Variants in TMEM132C observed in about 807,000 individuals in gnomAD.
The protein encoded by TMEM132C is protein phosphatase 1, regulatory subunit 152.
In TMEM132C, 29 loss-of-function variants were observed where a neutral mutation model predicts 61.4. That is an observed-to-expected ratio of 0.47 (90% confidence interval 0.35 to 0.64). The LOEUF is 0.64. Ranked by LOEUF, TMEM132C falls within the 30% of genes least tolerant of loss-of-function variation. The pLI, the probability that TMEM132C is intolerant of heterozygous loss-of-function variation, is 0.00. For synonymous variants in TMEM132C, 656 were observed against 633.1 expected (o/e 1.04, Z -0.54); for missense variants, 1,408 against 1,476.9 (o/e 0.95, Z 0.76).
intron 3 of TMEM132C, among the ~76,000 whole-genome samples, chr12:128,578,163 A>G (rs1397488684): frequency 6.6e-6 from 1 of 152,230 alleles, no homozygotes; most frequent in Non-Finnish European, 1.5e-5. Context: ...ACGCCAGTGG[A>G]GCTGAGTGAG....
chr12:128,387,774 C>T (rs1283899109), intron 1 of TMEM132C, among the ~76,000 whole-genome samples: 1 of 152,146 alleles, frequency 6.6e-6, no homozygotes, highest in Non-Finnish European at 1.5e-5. Context: ...CACCATTGCA[C>T]TCCAGCCTGG....
rs1954841789 is a variant in TMEM132C, at chr12:128,706,471, A to G, written c.*176A>G. The G allele has an allele frequency of 1.2e-6, 1 of 824,304 alleles. No homozygotes were observed. The highest frequency in any genetic ancestry group is 1.7e-6 in the Non-Finnish European group (1 of 574,928). The allele number at this position is 824,304 out of a possible 1,614,324, so 51.1% of individuals were successfully genotyped here. On this transcript the variant is annotated 3_prime_UTR_variant, in exon 9 of 9. Coordinates refer to ENST00000435159, the MANE Select transcript of TMEM132C (RefSeq NM_001136103.3). ...GTTTTTGTATCAAGGGATTTTTAGC[A>G]GTTAATGGTGGTGGATTTTTAAAGG...
chr12:128,378,412 G>A (rs561872414), intron 1 of TMEM132C, among the ~76,000 whole-genome samples: 47 of 127,186 alleles, frequency 3.7e-4, no homozygotes, highest in Admixed American at 9.9e-4. Context: ...CACCACGCCT[G>A]GCCAAGAGCA....
intron 1 of TMEM132C, among the ~76,000 whole-genome samples, chr12:128,354,896 G>A (rs904449279): frequency 2.0e-5 from 3 of 152,150 alleles, no homozygotes; most frequent in Admixed American, 6.5e-5. Flanking sequence ...CTGAAAACCA[G>A]CTTACTTGAA....
intron 1 of TMEM132C, among the ~76,000 whole-genome samples, chr12:128,348,396 C>T (rs1044051069): frequency 6.6e-6 from 1 of 152,174 alleles, no homozygotes; most frequent in African/African-American, 2.4e-5. Flanking sequence ...TTATTTCTTC[C>T]TTTCTAATCT....
At position 128,415,568 on chromosome 12, in the gene TMEM132C, A is replaced by C. The variant is rs1289309682; in HGVS notation, c.922A>C (p.Thr308Pro). 1.3e-6 allele frequency: 2 copies of C among 1,550,522 alleles called. No individual in the cohort carries two copies. The highest frequency in any genetic ancestry group is 1.7e-6 in the Non-Finnish European group (2 of 1,146,654). The change falls in exon 2 of 9, where the codon ACG becomes CCG. Residue 308 changes from threonine (T) to proline (P), a missense_variant. Thr to Pro is a conservative substitution (Grantham distance 38). Transcript: ENST00000435159. The surrounding 1 kb of genome is among the most constrained non-coding windows in gnomAD (Gnocchi z 5.8). ...GCCAGTCAAGCAGGGAGAGGTGGTC[A>C]CGGCCTATGTCACCATCTCGAGCAA... ...SRPVKQGEVVTAYVTISSNSS... is the reference protein window; with the variant it reads ...SRPVKQGEVVPAYVTISSNSS...
At chr12:128,431,125 C>T (rs569040165) in intron 2 of TMEM132C, among the ~76,000 whole-genome samples, 10 of 152,200 alleles carry the variant, frequency 6.6e-5, no homozygotes, top group South Asian at 2.1e-4. Context: ...GGAAATGAAA[C>T]GTGCGACTCC....
chr12:128,611,768 GA>G (rs955175563), intron 3 of TMEM132C, among the ~76,000 whole-genome samples: 9 of 151,908 alleles, frequency 5.9e-5, no homozygotes, highest in African/African-American at 1.7e-4. Context: ...AGATTTTAGA[GA>G]AAAAAAAGCC....
rs563078633 is a variant in TMEM132C, at chr12:128,658,159, C to T, written c.1306-11258C>T. Among the ~76,000 whole-genome samples the T allele has an allele frequency of 4.7e-5, 5 of 107,480 alleles. No homozygotes were observed. The Admixed American group carries it at 4.7e-4, about 10-fold the overall frequency. 70.5% of individuals were successfully genotyped at this position (107,480 alleles called of 152,430 possible). ...GGAGGCCACAAGGCAGGAGCAGGGA[C>T]GCAGCTCCCATGGAGGCCACAAGGC... On this transcript the variant is annotated intron_variant, in intron 4 of 8. Coordinates refer to ENST00000435159, the MANE Select transcript of TMEM132C (RefSeq NM_001136103.3).
intron 1 of TMEM132C, among the ~76,000 whole-genome samples, chr12:128,328,321 A>C (rs961610401): frequency 1.3e-5 from 2 of 152,200 alleles, no homozygotes; most frequent in Non-Finnish European, 2.9e-5. Context: ...TCATCTATGG[A>C]TAAGACCAAA....
intron 1 of TMEM132C, among the ~76,000 whole-genome samples, chr12:128,387,905 G>C (rs985008163): frequency 6.6e-6 from 1 of 152,200 alleles, no homozygotes; most frequent in African/African-American, 2.4e-5. Context: ...GCCCTGCCTG[G>C]CTCCAGGAAC....
chr12:128,626,320 G>A (rs1954015514), intron 4 of TMEM132C, among the ~76,000 whole-genome samples: 1 of 151,122 alleles, frequency 6.6e-6, no homozygotes, highest in Non-Finnish European at 1.5e-5. Context: ...CAGAGACACA[G>A]GGTTTCACCA....
intron 1 of TMEM132C, among the ~76,000 whole-genome samples, chr12:128,282,756 A>T (rs532831553): frequency 6.6e-6 from 1 of 152,224 alleles, no homozygotes; most frequent in Admixed American, 6.5e-5. Flanking sequence ...GAATTTCATG[A>T]CTTTGACACT....
In TMEM132C at chr12:128,364,330, C is replaced by T. The variant is rs544829171; in HGVS notation, c.86-50402C>T. On this transcript the variant is annotated intron_variant, in intron 1 of 8. Transcript: ENST00000435159. ...CTCCCCCTCCTCCCCTCCCCGCCCCCGCATCATTCTCACTCAGTCACACAC... is the reference window on the plus strand; with the variant it reads ...CTCCCCCTCCTCCCCTCCCCGCCCCTGCATCATTCTCACTCAGTCACACAC... 7.9e-5 allele frequency among the ~76,000 whole-genome samples: 12 copies of T among 151,042 alleles called. No individual in the cohort carries two copies. The South Asian group carries it at 2.3e-3, about 29-fold the overall frequency.
At chr12:128,427,387 GGTGTGTGTGTGTGTGTGTGTGT>G (rs761620460) in intron 2 of TMEM132C, among the ~76,000 whole-genome samples, 1 of 132,292 alleles carries the variant, frequency 7.6e-6, no homozygotes. Flanking sequence ...CTTCCAAAGG[GGTGTGTGTGTGTGTGTGTGTGT>G]GTGTGTGTGT....
intron 1 of TMEM132C, among the ~76,000 whole-genome samples, chr12:128,386,729 A>C (rs1490197575): frequency 2.0e-5 from 3 of 152,186 alleles, no homozygotes; most frequent in African/African-American, 7.2e-5. Flanking sequence ...GAGGACATTG[A>C]GGCAGAGAAA....
chr12:128,623,582 G>A (rs773097874), intron 4 of TMEM132C, among the ~76,000 whole-genome samples: 5 of 152,012 alleles, frequency 3.3e-5, no homozygotes, highest in Non-Finnish European at 4.4e-5. Flanking sequence ...CAAGGCAGGC[G>A]GATTGCCTGA....
intron 5 of TMEM132C, among the ~76,000 whole-genome samples, chr12:128,681,817 ATTTTTT>A (rs35154554): frequency 2.4e-4 from 21 of 86,448 alleles, no homozygotes; most frequent in Admixed American, 9.4e-4. Flanking sequence ...CCACGCCTGG[ATTTTTT>A]TTTTTTTTTT....
chr12:128,501,626 T>G (rs1285161823), intron 2 of TMEM132C, among the ~76,000 whole-genome samples: 1 of 152,216 alleles, frequency 6.6e-6, no homozygotes, highest in Non-Finnish European at 1.5e-5. Context: ...AGAGCTTCAA[T>G]TATGCCCTGG....
Sources: gnomAD v4.1 joint callset for allele counts (sites outside exome capture counted in the v4.1 genomes callset) on GRCh38, gnomAD v4.1.1 for gene constraint, Gnocchi (gnomAD v3.1) non-coding constraint, MANE v1.5 for transcripts, NCBI Gene and HGNC (gene_info 2026-07-23, HGNC 2026-07-21) for gene names.